CYP2C8: variants seen among roughly 807,000 people sequenced by gnomAD.
The protein encoded by CYP2C8 is cytochrome P450 2C8.
Under a neutral mutation model 41.3 loss-of-function variants are expected in CYP2C8, and 51 were observed. The observed-to-expected ratio is 1.24, with a 90% CI of 0.99 to 1.56. The LOEUF (loss-of-function observed/expected upper bound fraction) is 1.56, where lower values mean the gene tolerates loss of function less well. CYP2C8 is among the 40% of genes most tolerant of loss of function. The pLI is 0.00. For synonymous variants in CYP2C8, 218 were observed against 205.8 expected (o/e 1.06, Z -0.51); for missense variants, 651 against 579.9 (o/e 1.12, Z -1.26).
rs1589434543 is a variant in CYP2C8, at chr10:95,036,913, G to A, written c.*215C>T. The A allele has an allele frequency of 1.7e-6, 1 of 594,308 alleles. No individual in the cohort carries two copies. The allele number at this position is 594,308 out of a possible 1,614,324, so 36.8% of individuals were successfully genotyped here. A position where few individuals can be genotyped will look rare whatever the true frequency, so the allele number is the denominator to read the frequency against. ...CATTAGAAAAGTATTAGCATATGCA[G>A]CAATTAATACAAGTGTTACAGAGTA... On this transcript the variant is annotated 3_prime_UTR_variant, in exon 9 of 9. Transcript: ENST00000371270.
At chr10:95,059,173 TG>T (rs1487374144) in intron 4 of CYP2C8, among the ~76,000 whole-genome samples, 1 of 152,228 alleles carries the variant, frequency 6.6e-6, no homozygotes, top group East Asian at 1.9e-4. Context: ...ATGGGATGGC[TG>T]GGTCAAATGG....
chr10:95,055,074 A>G (rs139518847), intron 5 of CYP2C8, among the ~76,000 whole-genome samples: 3 of 152,288 alleles, frequency 2.0e-5, no homozygotes, highest in Non-Finnish European at 4.4e-5. Context: ...CTAAAGATTG[A>G]ATGTAATCAC....
chr10:95,057,838 A>G (rs2033341584), intron 5 of CYP2C8, among the ~76,000 whole-genome samples: 1 of 152,098 alleles, frequency 6.6e-6, no homozygotes. Flanking sequence ...TCTCTCTTCC[A>G]TCCACCAACT....
intron 5 of CYP2C8, among the ~76,000 whole-genome samples, chr10:95,055,620 G>A (rs368221798): frequency 2.0e-5 from 3 of 152,128 alleles, no homozygotes; most frequent in Non-Finnish European, 4.4e-5. Context: ...GATAAACTGG[G>A]CCTCACCAAA....
chr10:95,043,180 T>A, intron 6 of CYP2C8, 103 bp from the exon 7 acceptor site: 2 of 1,064,428 alleles, frequency 1.9e-6, no homozygotes, highest in South Asian at 2.7e-5. Context: ...CCAGCAACAT[T>A]ACAAACATGA....
intron 4 of CYP2C8, among the ~76,000 whole-genome samples, chr10:95,063,210 C>T (rs2033478111): frequency 6.6e-6 from 1 of 152,182 alleles, no homozygotes; most frequent in Non-Finnish European, 1.5e-5. Context: ...GGGAAGTTCT[C>T]CTGGATAATA....
intron 4 of CYP2C8, among the ~76,000 whole-genome samples, chr10:95,063,053 T>C (rs1037932599): frequency 6.6e-6 from 1 of 152,214 alleles, no homozygotes; most frequent in Non-Finnish European, 1.5e-5. Flanking sequence ...CCGCCCTTTC[T>C]CAATGGCTAC....
chr10:95,060,667 C>A (rs2134432118), intron 4 of CYP2C8, among the ~76,000 whole-genome samples: 1 of 152,288 alleles, frequency 6.6e-6, no homozygotes, highest in South Asian at 2.1e-4. Flanking sequence ...TTGGCCAGAA[C>A]CTCCAACACT....
intron 4 of CYP2C8, among the ~76,000 whole-genome samples, chr10:95,064,284 G>T (rs182557341): frequency 6.6e-6 from 1 of 152,122 alleles, no homozygotes; most frequent in African/African-American, 2.4e-5. Context: ...CACCCAGATC[G>T]AGCTTCCTGG....
At chr10:95,067,129 C>T (rs2033585774) in intron 3 of CYP2C8, 79 bp downstream of exon 3, 1 of 1,598,420 alleles carries the variant, frequency 6.3e-7, no homozygotes, top group Middle Eastern at 1.8e-4. Flanking sequence ...GACCTGGCCA[C>T]CCCTGAAATG....
Position 95,058,350 on chromosome 10 carries a change from C to T in CYP2C8, c.804G>A (p.Leu268=). 1 of 1,613,148 alleles carries T rather than the reference C, an allele frequency of 6.2e-7. No homozygotes were observed. The highest frequency in any genetic ancestry group is 8.5e-7 in the Non-Finnish European group (1 of 1,179,486). Residue 268 remains leucine, a synonymous_variant, in exon 5 of 9, where the codon CTG becomes CTA. Transcript: ENST00000371270. ...NNPRDFIDCF[L]IKMEQEKDNQ... is the part of the protein sequence containing the mutation. ...AATATCTTACCTGCTCCATTTTGATCAGGAAGCAATCGATAAAGTCCCGAG... is the reference window on the plus strand; with the variant it reads ...AATATCTTACCTGCTCCATTTTGATTAGGAAGCAATCGATAAAGTCCCGAG...
At chr10:95,044,903 C>T (rs1469969847) in intron 6 of CYP2C8, among the ~76,000 whole-genome samples, 4 of 152,138 alleles carry the variant, frequency 2.6e-5, no homozygotes, top group African/African-American at 9.7e-5. Context: ...TCTGCTAATA[C>T]TTACAACTCC....
At chr10:95,055,806 A>C (rs1205137493) in intron 5 of CYP2C8, among the ~76,000 whole-genome samples, 1 of 152,148 alleles carries the variant, frequency 6.6e-6, no homozygotes, top group East Asian at 1.9e-4. Flanking sequence ...AAATAAGCAA[A>C]GGGCCAGGTG....
rs935869781 is a variant in CYP2C8 at position 95,061,740 on chromosome 10, A to G, written c.642+3060T>C. On this transcript the variant is annotated intron_variant, in intron 4 of 8. Transcript: ENST00000371270. The stretch of plus-strand genomic sequence containing the variant: ...CTTTCAATTGTGATGTTAGGGTGTC[A>G]ATTTTAGATCTTTCCTGCTTTCTCT... 5.3e-5 allele frequency among the ~76,000 whole-genome samples: 8 copies of G among 152,066 alleles called. 1 individual carries two copies. In the South Asian group the frequency reaches 1.4e-3, roughly 28 times the overall value.
intron 4 of CYP2C8, among the ~76,000 whole-genome samples, chr10:95,062,954 T>C (rs1008627728): frequency 6.6e-6 from 1 of 152,236 alleles, no homozygotes; most frequent in African/African-American, 2.4e-5. Context: ...TTTAAGAATG[T>C]TGAATATTGG....
Position 95,058,551 on chromosome 10 carries a change from G to A in CYP2C8, c.643-40C>T, listed in dbSNP as rs902151744. The A allele has an allele frequency of 3.3e-6, 5 of 1,520,808 alleles. No homozygotes were observed. In the East Asian group the frequency reaches 1.2e-4, roughly 37 times the overall value. 94.2% of individuals were successfully genotyped at this position (1,520,808 alleles called of 1,614,324 possible). A position where few individuals can be genotyped will look rare whatever the true frequency, so the allele number is the denominator to read the frequency against. ...AATATTAAATATAAACATGTCATAA[G>A]ATATATGTATCTTACACCAAGCCCT... On this transcript the variant is annotated intron_variant, in intron 4 of 8. Transcript: ENST00000371270.
At chr10:95,061,617 G>A (rs945728144) in intron 4 of CYP2C8, among the ~76,000 whole-genome samples, 2 of 151,998 alleles carry the variant, frequency 1.3e-5, no homozygotes, top group African/African-American at 4.8e-5. Context: ...TTTTTTGAAG[G>A]GTTTTTTGTG....
chr10:95,054,949 T>C (rs968076026), intron 5 of CYP2C8, among the ~76,000 whole-genome samples: 2 of 152,092 alleles, frequency 1.3e-5, no homozygotes, highest in African/African-American at 4.8e-5. Context: ...ATGGCACACG[T>C]ATACATATGT....
chr10:95,055,002 T>TATAATA (rs964794201), intron 5 of CYP2C8, among the ~76,000 whole-genome samples: 1 of 151,782 alleles, frequency 6.6e-6, no homozygotes, highest in African/African-American at 2.4e-5. Context: ...AAACTTAAAG[T>TATAATA]ATAATAATAA....
Sources: allele counts gnomAD v4.1 joint callset (sites outside exome capture counted in the v4.1 genomes callset), GRCh38; gene constraint gnomAD v4.1.1; transcripts MANE v1.5; gene names NCBI Gene and HGNC (gene_info 2026-07-23, HGNC 2026-07-21).